The following MLPH variants were observed in gnomAD, a reference collection of about 807,000 sequenced individuals.
MLPH encodes melanophilin.
MLPH carries 51 observed loss-of-function variants against 72.1 expected under a neutral mutation model. The observed-to-expected ratio is 0.71, with a 90% CI of 0.56 to 0.89. The LOEUF (loss-of-function observed/expected upper bound fraction) is 0.89. Among genes scored for constraint, MLPH ranks in the 40% least tolerant of loss-of-function variants. The probability of loss-of-function intolerance (pLI) is 0.00; values close to 1 mark genes in which losing one functional copy is unlikely to be tolerated. For synonymous variants in MLPH, 301 were observed against 310.1 expected (o/e 0.97, Z 0.31); for missense variants, 743 against 759.9 (o/e 0.98, Z 0.26).
intron 9 of MLPH, among the ~76,000 whole-genome samples, chr2:237,536,408 G>A (rs2106365397): frequency 6.6e-6 from 1 of 152,342 alleles, no homozygotes; most frequent in Admixed American, 6.5e-5. Context: ...ACCCCTGCAA[G>A]GTAGACATTT....
intron 2 of MLPH, among the ~76,000 whole-genome samples, chr2:237,494,188 G>C (rs961026012): frequency 6.6e-6 from 1 of 152,140 alleles, no homozygotes; most frequent in East Asian, 1.9e-4. Context: ...GAAGGGGGGG[G>C]CAGAGAGCAG....
intron 13 of MLPH, among the ~76,000 whole-genome samples, chr2:237,547,842 G>A (rs1305893918): frequency 6.6e-6 from 1 of 151,886 alleles, no homozygotes; most frequent in African/African-American, 2.4e-5. Context: ...GCCTGGGAGG[G>A]AGTTGCTCCC....
rs377032770 is a variant in MLPH, at chr2:237,546,650, G to A, written c.1584G>A (p.Glu528=). Residue 528 remains glutamate, a synonymous_variant, in exon 13 of 16, where the codon GAG becomes GAA. Transcript: ENST00000264605. The part of the protein sequence containing the change: ...RVAGKLGKRP[E]DPNADPSSEA... ...CTGGGAAACTTGGCAAGAGACCAGA[G>A]GACCCAAATGCAGACCCTTCAAGTG... 2.7e-5 allele frequency: 44 copies of A among 1,614,070 alleles called. No homozygotes were observed. The highest frequency in any genetic ancestry group is 3.7e-5 in the Non-Finnish European group (44 of 1,180,042).
Position 237,493,422 on chromosome 2 carries a change from C to T in MLPH, c.-5C>T, listed in dbSNP as rs2079468286. ...TTCCAGGTGTGACCCCGACAAGAAGCAGAAATGGGGAAGAAACTGGATCTT... is the reference window on the plus strand; with the variant it reads ...TTCCAGGTGTGACCCCGACAAGAAGTAGAAATGGGGAAGAAACTGGATCTT... On this transcript the variant is annotated 5_prime_UTR_variant, in exon 2 of 16. Coordinates refer to ENST00000264605, the MANE Select transcript of MLPH (RefSeq NM_024101.7). 3 of 1,612,214 alleles carry T rather than the reference C, an allele frequency of 1.9e-6. No individual in the cohort carries two copies. The East Asian group carries it at 6.7e-5, about 36-fold the overall frequency.
chr2:237,518,921 G>GA (rs2080112700), intron 5 of MLPH, among the ~76,000 whole-genome samples: 1 of 152,162 alleles, frequency 6.6e-6, no homozygotes, highest in African/African-American at 2.4e-5. Flanking sequence ...AGAGTCTGGG[G>GA]GCACACGGGT....
rs139706602 is a variant in MLPH at position 237,524,302 on chromosome 2, A to AATAT, written c.676-1283_676-1280dup. ...TTTCTTAGAGGGACAGAACTAATAG[A>AATAT]ATATATATATATATATATAAAGGGG... On this transcript the variant is annotated intron_variant, in intron 6 of 15. Coordinates refer to ENST00000264605, the MANE Select transcript of MLPH (RefSeq NM_024101.7). 6.2e-3 allele frequency among the ~76,000 whole-genome samples: 792 copies of AATAT among 127,346 alleles called. 72 individuals are homozygous for AATAT. The highest frequency in any genetic ancestry group is 0.026 in the African/African-American group (644 of 24,332). The allele number at this position is 127,346 out of a possible 152,430, so 83.5% of individuals were successfully genotyped here. A position where few individuals can be genotyped will look rare whatever the true frequency, so the allele number is the denominator to read the frequency against.
chr2:237,500,747 T>C (rs1159139630), intron 2 of MLPH, among the ~76,000 whole-genome samples: 1 of 152,180 alleles, frequency 6.6e-6, no homozygotes, highest in East Asian at 1.9e-4. Context: ...TTCCCAGGAC[T>C]CATGGCTGTC....
intron 1 of MLPH, among the ~76,000 whole-genome samples, chr2:237,490,144 C>T (rs1262710959): frequency 6.6e-6 from 1 of 152,140 alleles, no homozygotes; most frequent in Non-Finnish European, 1.5e-5. Context: ...TCTGCCCTCC[C>T]CCAGCACATA....
chr2:237,487,252 G>T lies in MLPH; in HGVS notation c.-210G>T, dbSNP rs923377477. 6.6e-6 allele frequency: 1 copy of T among 152,294 alleles called. No homozygotes were observed. Among genetic ancestry groups the T allele is most frequent in the Non-Finnish European group, 1.5e-5 (1 of 68,098 alleles). The allele number at this position is 152,294 out of a possible 1,614,324, so 9.4% of individuals were successfully genotyped here. A position where few individuals can be genotyped will look rare whatever the true frequency, so the allele number is the denominator to read the frequency against. The stretch of plus-strand genomic sequence containing the variant: ...GGCGGGAGGCGCCGGGACGTGGCCA[G>T]TTGCCCGCCTGCCCCGGAGAGCCAG... On this transcript the variant is annotated 5_prime_UTR_variant, in exon 1 of 16. Transcript: ENST00000264605.
At chr2:237,516,791 G>C (rs1392784094) in intron 4 of MLPH, among the ~76,000 whole-genome samples, 1 of 141,476 alleles carries the variant, frequency 7.1e-6, no homozygotes, top group African/African-American at 2.6e-5. Context: ...ATGGATGGAT[G>C]GATGGATGGA....
intron 4 of MLPH, among the ~76,000 whole-genome samples, chr2:237,514,688 G>A (rs2079976820): frequency 6.6e-6 from 1 of 152,222 alleles, no homozygotes; most frequent in Non-Finnish European, 1.5e-5. Flanking sequence ...GGCATCCGCT[G>A]AGTGTGTAAA....
Position 237,524,302 on chromosome 2 carries a change from A to AATATATATATATATATAT in MLPH, c.676-1297_676-1280dup, listed in dbSNP as rs139706602. 3.6e-3 allele frequency among the ~76,000 whole-genome samples: 452 copies of AATATATATATATATATAT among 127,286 alleles called. 23 individuals carry two copies. The highest frequency in any genetic ancestry group is 0.017 in the African/African-American group (401 of 24,262). The allele number at this position is 127,286 out of a possible 152,430, so 83.5% of individuals were successfully genotyped here. ...TTTCTTAGAGGGACAGAACTAATAG[A>AATATATATATATATATAT]ATATATATATATATATATAAAGGGG... On this transcript the variant is annotated intron_variant, in intron 6 of 15. Transcript: ENST00000264605.
At chr2:237,551,434 G>A (rs1047077689) in intron 14 of MLPH, among the ~76,000 whole-genome samples, 2 of 152,356 alleles carry the variant, frequency 1.3e-5, no homozygotes, top group South Asian at 2.1e-4. Flanking sequence ...TGATGTCACC[G>A]AGCGTGGGGT....
At chr2:237,498,309 G>C (rs1279479766) in intron 2 of MLPH, among the ~76,000 whole-genome samples, 1 of 152,198 alleles carries the variant, frequency 6.6e-6, no homozygotes, top group Non-Finnish European at 1.5e-5. Flanking sequence ...ATGGATTCCT[G>C]CTCAGTATTT....
At position 237,505,936 on chromosome 2, in the gene MLPH, C is replaced by T. The variant is rs1440304038; in HGVS notation, c.111-4638C>T. On this transcript the variant is annotated intron_variant, in intron 2 of 15. Transcript: ENST00000264605. The surrounding 1 kb of genome is among the most constrained non-coding windows in gnomAD (Gnocchi z 4.5). Reference sequence around the variant, plus strand: ...GACAAGGACAGCACTTCCCTTCCACCCCCATGCATCCCCGTCTCCAGGGCT... The same window carrying T: ...GACAAGGACAGCACTTCCCTTCCACTCCCATGCATCCCCGTCTCCAGGGCT... 1.3e-5 allele frequency among the ~76,000 whole-genome samples: 2 copies of T among 152,194 alleles called. No individual in the cohort carries two copies. Among genetic ancestry groups the T allele is most frequent in the Non-Finnish European group, 1.5e-5 (1 of 68,030 alleles).
intron 4 of MLPH, among the ~76,000 whole-genome samples, chr2:237,514,546 C>T (rs562468495): frequency 2.6e-5 from 4 of 152,240 alleles, no homozygotes; most frequent in Admixed American, 2.6e-4. Context: ...TGTGGCTGGC[C>T]TTGGGGAAGA....
intron 2 of MLPH, among the ~76,000 whole-genome samples, chr2:237,493,787 T>A (rs1336932726): frequency 6.6e-6 from 1 of 152,212 alleles, no homozygotes; most frequent in Admixed American, 6.5e-5. Flanking sequence ...CAGGGTGATA[T>A]ATCCTAAGCC....
intron 6 of MLPH, among the ~76,000 whole-genome samples, chr2:237,524,604 A>G (rs974740450): frequency 2.0e-5 from 3 of 152,130 alleles, no homozygotes; most frequent in Admixed American, 6.5e-5. Context: ...ACTGACTCCA[A>G]TGTTAATCTC....
intron 6 of MLPH, 119 bp from the exon 7 acceptor site, chr2:237,525,482 A>G (rs1010962228): frequency 3.2e-4 from 294 of 925,316 alleles, no homozygotes; most frequent in Non-Finnish European, 4.5e-4. Flanking sequence ...ATGGGTGCCT[A>G]GTGCTGGGTC....
Sources: allele counts gnomAD v4.1 joint callset (sites outside exome capture counted in the v4.1 genomes callset), GRCh38; gene constraint gnomAD v4.1.1; non-coding constraint Gnocchi (gnomAD v3.1); transcripts MANE v1.5; gene names NCBI Gene and HGNC (gene_info 2026-07-23, HGNC 2026-07-21).